Variants in SCRN1 observed in about 807,000 individuals in gnomAD.
SCRN1 encodes the protein secernin-1.
In SCRN1, 19 loss-of-function variants were observed where a neutral mutation model predicts 43.3. The ratio of observed to expected loss-of-function variants is 0.44; its 90% CI spans 0.31 to 0.64. SCRN1 has a LOEUF of 0.64. Among genes scored for constraint, SCRN1 ranks in the 30% least tolerant of loss-of-function variants. The pLI is 0.09. For missense variants in SCRN1, 447 were observed against 524.1 expected (o/e 0.85, Z 1.44); for synonymous variants, 183 against 188.9 (o/e 0.97, Z 0.26).
At chr7:29,939,491 C>T (rs967791517) in intron 5 of SCRN1, among the ~76,000 whole-genome samples, 6 of 152,180 alleles carry the variant, frequency 3.9e-5, no homozygotes, top group Non-Finnish European at 8.8e-5. Flanking sequence ...ACTGTGATTA[C>T]AAGCATGCAC....
At chr7:29,946,814 G>A (rs1173964923) in intron 3 of SCRN1, among the ~76,000 whole-genome samples, 2 of 152,220 alleles carry the variant, frequency 1.3e-5, no homozygotes, top group Non-Finnish European at 2.9e-5. Context: ...CTGCTCCATA[G>A]TACATGGGCC....
chr7:29,948,194 A>G (rs972249937), intron 3 of SCRN1, among the ~76,000 whole-genome samples: 2 of 152,180 alleles, frequency 1.3e-5, no homozygotes, highest in African/African-American at 4.8e-5. Context: ...CACTACATAG[A>G]GGAGTGGCCT....
intron 4 of SCRN1, among the ~76,000 whole-genome samples, chr7:29,941,636 A>G (rs1193103889): frequency 6.6e-6 from 1 of 152,262 alleles, no homozygotes; most frequent in East Asian, 1.9e-4. Context: ...TTATAAAAAT[A>G]GAAGTGTGAC....
chr7:29,984,204 C>CAAA (rs55733700), intron 1 of SCRN1, among the ~76,000 whole-genome samples: 17 of 98,246 alleles, frequency 1.7e-4, no homozygotes, highest in Admixed American at 3.6e-4. Context: ...AGACAGTCTC[C>CAAA]AAAAAAAAAA....
intron 1 of SCRN1, among the ~76,000 whole-genome samples, chr7:29,981,246 C>T (rs1788984407): frequency 6.6e-6 from 1 of 151,596 alleles, no homozygotes; most frequent in Non-Finnish European, 1.5e-5. Flanking sequence ...CTCAGGAAAG[C>T]TTTTGATCAC....
At chr7:29,963,031 T>C (rs1471228906) in intron 2 of SCRN1, among the ~76,000 whole-genome samples, 1 of 151,568 alleles carries the variant, frequency 6.6e-6, no homozygotes, top group Non-Finnish European at 1.5e-5. Context: ...GCAATTCTCA[T>C]TAGTCAATTC....
At chr7:29,967,982 AT>A (rs1165525326) in intron 2 of SCRN1, among the ~76,000 whole-genome samples, 1 of 152,190 alleles carries the variant, frequency 6.6e-6, no homozygotes, top group Non-Finnish European at 1.5e-5. Context: ...ATGGAAGGAA[AT>A]TTGATAATAT....
At chr7:29,946,701 A>G (rs954705551) in intron 3 of SCRN1, among the ~76,000 whole-genome samples, 1 of 151,908 alleles carries the variant, frequency 6.6e-6, no homozygotes, top group Non-Finnish European at 1.5e-5. Flanking sequence ...TTCTGATTTC[A>G]CCCTCCTATC....
At chr7:29,925,233 C>T (rs754986089) in intron 7 of SCRN1, among the ~76,000 whole-genome samples, 15 of 152,200 alleles carry the variant, frequency 9.9e-5, no homozygotes, top group South Asian at 2.1e-4. Flanking sequence ...GCGACCTTTA[C>T]GTGTCAAATG....
At chr7:29,985,873 C>T (rs1345106844) in intron 1 of SCRN1, among the ~76,000 whole-genome samples, 11 of 152,218 alleles carry the variant, frequency 7.2e-5, no homozygotes, top group Admixed American at 7.2e-4. Flanking sequence ...CTTCTCCTTA[C>T]ATACCCAGTT....
At chr7:29,953,367 T>C (rs1342222354) in intron 3 of SCRN1, among the ~76,000 whole-genome samples, 2 of 152,212 alleles carry the variant, frequency 1.3e-5, no homozygotes, top group Non-Finnish European at 2.9e-5. Flanking sequence ...TGTTGCTTTA[T>C]TGGTTGATAA....
At chr7:29,924,166 T>G in intron 7 of SCRN1, 51 bp from the exon 8 acceptor site, 2 of 1,560,938 alleles carry the variant, frequency 1.3e-6, no homozygotes, top group South Asian at 2.4e-5. Context: ...CAGGGGACAT[T>G]GCAGCGGACA....
chr7:29,943,626 A>G (rs1170208572), intron 4 of SCRN1, among the ~76,000 whole-genome samples: 5 of 152,204 alleles, frequency 3.3e-5, no homozygotes, highest in Non-Finnish European at 2.9e-5. Flanking sequence ...GCTACTGTCC[A>G]GTGAAGGGAC....
At chr7:29,962,207 C>T (rs944467972) in intron 2 of SCRN1, among the ~76,000 whole-genome samples, 4 of 145,948 alleles carry the variant, frequency 2.7e-5, no homozygotes, top group African/African-American at 1.0e-4. Flanking sequence ...TTAAATTATA[C>T]AATTATTAAA....
chr7:29,939,160 T>C (rs564134060), intron 5 of SCRN1, among the ~76,000 whole-genome samples: 4 of 152,326 alleles, frequency 2.6e-5, no homozygotes, highest in African/African-American at 9.6e-5. Context: ...ATAAGTGCTA[T>C]AGCAAAAGTC....
intron 5 of SCRN1, among the ~76,000 whole-genome samples, chr7:29,938,830 CCT>C (rs1787431583): frequency 1.3e-5 from 2 of 152,128 alleles, no homozygotes; most frequent in African/African-American, 4.8e-5. Flanking sequence ...CTGTGAGACC[CCT>C]GATTTCCCAC....
chr7:29,975,948 T>C (rs1234493232), intron 1 of SCRN1, among the ~76,000 whole-genome samples: 2 of 152,244 alleles, frequency 1.3e-5, no homozygotes, highest in Admixed American at 6.5e-5. Flanking sequence ...TAATGTTGCA[T>C]GCTATTGGAG....
chr7:29,969,551 C>T (rs1033148742), intron 1 of SCRN1, among the ~76,000 whole-genome samples: 13 of 152,064 alleles, frequency 8.5e-5, no homozygotes, highest in South Asian at 2.1e-4. Context: ...TGACAGATAC[C>T]CTGCTTTGTT....
chr7:29,979,894 G>T (rs1004304070), intron 1 of SCRN1, among the ~76,000 whole-genome samples: 1 of 152,152 alleles, frequency 6.6e-6, no homozygotes, highest in Non-Finnish European at 1.5e-5. Flanking sequence ...CCTATACATG[G>T]CAGGTTGGAA....
Sources: allele counts gnomAD v4.1 joint callset (sites outside exome capture counted in the v4.1 genomes callset), GRCh38; gene constraint gnomAD v4.1.1; transcripts MANE v1.5; gene names NCBI Gene and HGNC (gene_info 2026-07-23, HGNC 2026-07-21).